The following LRRIQ1 variants were observed in gnomAD, a reference collection of about 807,000 sequenced individuals.
The protein encoded by LRRIQ1 is leucine-rich repeat- and IQ domain-containing protein 1.
A neutral mutation model predicts 211.9 loss-of-function variants in LRRIQ1; 210 were observed. The ratio of observed to expected loss-of-function variants is 0.99; its 90% confidence interval spans 0.89 to 1.11. The LOEUF is 1.11. Ranked by LOEUF, LRRIQ1 falls within the 50% of genes most tolerant of loss-of-function variation. The probability of loss-of-function intolerance (pLI) is 0.00; values close to 1 mark genes in which losing one functional copy is unlikely to be tolerated. For missense variants in LRRIQ1, 2,136 were observed against 1,939.5 expected, an observed-to-expected ratio of 1.10 and a Z score of -1.90; for synonymous variants, 699 against 650.1, an observed-to-expected ratio of 1.08 and a Z score of -1.14.
chr12:85,163,182 A>T (rs1412337933), intron 24 of LRRIQ1, among the ~76,000 whole-genome samples: 1 of 152,156 alleles, frequency 6.6e-6, no homozygotes, highest in African/African-American at 2.4e-5. Context: ...AATTCTTCTG[A>T]GATACAACTT....
chr12:85,183,134 A>T (rs1329795499), intron 24 of LRRIQ1, among the ~76,000 whole-genome samples: 1 of 152,186 alleles, frequency 6.6e-6, no homozygotes, highest in Non-Finnish European at 1.5e-5. Flanking sequence ...TTCCTTCAAC[A>T]TTTGTAGAAT....
chr12:85,258,641 G>A (rs536956822), intron 1 of LRRIQ1, among the ~76,000 whole-genome samples: 3 of 151,978 alleles, frequency 2.0e-5, no homozygotes, highest in Non-Finnish European at 2.9e-5. Context: ...TTTGCGCAAC[G>A]TAACTCATTC....
At chr12:85,194,797 G>A (rs1163609541) in intron 24 of LRRIQ1, among the ~76,000 whole-genome samples, 4 of 152,182 alleles carry the variant, frequency 2.6e-5, no homozygotes, top group African/African-American at 9.6e-5. Context: ...TCAAAAGCTA[G>A]CAGAAGGCAA....
intron 5 of LRRIQ1, among the ~76,000 whole-genome samples, chr12:85,046,754 A>C (rs530905325): frequency 6.6e-6 from 1 of 152,256 alleles, no homozygotes; most frequent in Non-Finnish European, 1.5e-5. Flanking sequence ...AACCAACCCA[A>C]ATGTCCATCA....
intron 6 of LRRIQ1, chr12:85,048,057 ATT>A (rs1879851434): frequency 6.6e-6 from 1 of 152,256 alleles, no homozygotes; most frequent in Non-Finnish European, 1.5e-5. Context: ...AAACTGGTGG[ATT>A]TTAGGACACC....
At chr12:85,216,906 A>G (rs1198589207) in intron 24 of LRRIQ1, among the ~76,000 whole-genome samples, 1 of 152,044 alleles carries the variant, frequency 6.6e-6, no homozygotes, top group Admixed American at 6.5e-5. Context: ...ATTCAGCTGG[A>G]AAACTCTTAA....
intron 15 of LRRIQ1, among the ~76,000 whole-genome samples, chr12:85,111,361 A>G (rs1212461517): frequency 6.6e-6 from 1 of 152,116 alleles, no homozygotes; most frequent in Non-Finnish European, 1.5e-5. Context: ...AACTGGTCAT[A>G]TCACCAAACC....
chr12:85,137,977 C>T lies in LRRIQ1; in HGVS notation c.4329+8C>T, dbSNP rs375619640. On this transcript the variant is annotated splice_region_variant and intron_variant, in intron 19 of 26. Transcript: ENST00000393217. ...GATTTTATATTTGATGAAGTAAGTA[C>T]GAACTATAGTATATAAATATTGGTC... 4.7e-5 allele frequency: 62 copies of T among 1,328,768 alleles called. No individual in the cohort carries two copies. The highest frequency in any genetic ancestry group is 2.5e-4 in the African/African-American group (17 of 67,238). 82.3% of individuals were successfully genotyped at this position (1,328,768 alleles called of 1,614,324 possible).
chr12:85,039,194 T>G (rs1284808868), intron 2 of LRRIQ1, among the ~76,000 whole-genome samples: 3 of 151,304 alleles, frequency 2.0e-5, no homozygotes, highest in Admixed American at 6.6e-5. Flanking sequence ...TGTTTTATAT[T>G]TTATTATACC....
chr12:85,250,962 TTATATTATA>T (rs1293109468), intron 1 of LRRIQ1, among the ~76,000 whole-genome samples: 1 of 81,006 alleles, frequency 1.2e-5, no homozygotes, highest in Non-Finnish European at 2.4e-5. Flanking sequence ...ATATTATATA[TTATATTATA>T]TATATTATAG....
chr12:85,270,384 T>C, the LRRIQ1 span, among the ~76,000 whole-genome samples: 19 of 151,972 alleles, frequency 1.3e-4, no homozygotes, highest in Admixed American at 1.2e-3. Flanking sequence ...TTAGAGGCAA[T>C]ACCTATGTTT....
chr12:85,187,822 A>G (rs1239505278), intron 24 of LRRIQ1, among the ~76,000 whole-genome samples: 1 of 151,720 alleles, frequency 6.6e-6, no homozygotes, highest in African/African-American at 2.4e-5. Context: ...AAAAAAAAAA[A>G]AAAAGAAAGA....
chr12:85,243,792 A>T (rs947932087), intron 26 of LRRIQ1, among the ~76,000 whole-genome samples: 1 of 151,678 alleles, frequency 6.6e-6, no homozygotes, highest in Non-Finnish European at 1.5e-5. Flanking sequence ...AGGGGGATGT[A>T]AAGGTGAAGG....
Position 85,056,779 on chromosome 12 carries a change from T to TA in LRRIQ1, c.1987dup (p.Thr663AsnfsTer11). The TA allele has an allele frequency of 6.2e-7, 1 of 1,609,224 alleles. No homozygotes were observed. The highest frequency in any genetic ancestry group is 1.1e-5 in the South Asian group (1 of 89,850). ...GCATTGTGATTTTTAACACAACTGA[T>TA]ACCATGATAAATATAGAAGGCAAAA... On this transcript the variant is annotated frameshift_variant, in exon 8 of 27. Coordinates refer to ENST00000393217, the MANE Select transcript of LRRIQ1 (RefSeq NM_001079910.2). LOFTEE classifies it high-confidence loss of function.
rs558981709 is a variant in LRRIQ1 at position 85,158,243 on chromosome 12, A to AC, written c.4721-2370_4721-2369insC. On this transcript the variant is annotated intron_variant, in intron 23 of 26. Transcript: ENST00000393217. The stretch of plus-strand genomic sequence containing the variant: ...TCCAATGAATGTCAATTGACTAAAA[A>AC]AAAAAAACTAGATAAAAGTCACTAA... Among the ~76,000 whole-genome samples the AC allele has an allele frequency of 7.2e-5, 11 of 152,052 alleles. No individual in the cohort carries two copies. In the East Asian group the frequency reaches 1.5e-3, roughly 21 times the overall value.
At chr12:85,099,753 ATATCATT>A (rs1270846379) in intron 13 of LRRIQ1, among the ~76,000 whole-genome samples, 2 of 151,820 alleles carry the variant, frequency 1.3e-5, no homozygotes, top group Non-Finnish European at 3.0e-5. Flanking sequence ...AATAAGGACA[ATATCATT>A]TTTACATATA....
chr12:85,192,348 T>A (rs1892559484), intron 24 of LRRIQ1, among the ~76,000 whole-genome samples: 1 of 144,576 alleles, frequency 6.9e-6, no homozygotes, highest in Non-Finnish European at 1.5e-5. Flanking sequence ...CATTCTTTTT[T>A]TATGGCTCTG....
Position 85,160,638 on chromosome 12 carries a change from CA to C in LRRIQ1, c.4751del (p.Asn1584ThrfsTer26). The C allele has an allele frequency of 6.2e-7, 1 of 1,608,824 alleles. No homozygotes were observed. On this transcript the variant is annotated frameshift_variant, in exon 24 of 27. Coordinates refer to ENST00000393217, the MANE Select transcript of LRRIQ1 (RefSeq NM_001079910.2). LOFTEE classifies it high-confidence loss of function. ...ATTCCACTGTGCGTCTAGCCTTATT[CA>C]AAAACAATGAAAATAAAGTGTCTCT... ...IDSTVRLALF[K>X]NNENKVSLPK...
At chr12:85,232,108 TAA>T (rs1894970736) in intron 25 of LRRIQ1, among the ~76,000 whole-genome samples, 1 of 152,088 alleles carries the variant, frequency 6.6e-6, no homozygotes, top group African/African-American at 2.4e-5. Flanking sequence ...TACTCATAAA[TAA>T]GTTATATATA....
Sources: gnomAD v4.1 joint callset for allele counts (sites outside exome capture counted in the v4.1 genomes callset) on GRCh38, gnomAD v4.1.1 for gene constraint, MANE v1.5 for transcripts, NCBI Gene and HGNC (gene_info 2026-07-23, HGNC 2026-07-21) for gene names.